The following RBFOX3 variants were observed in gnomAD, a reference collection of about 807,000 sequenced individuals.
RBFOX3 encodes the protein RNA binding fox-1 homolog 3.
In RBFOX3, 17 loss-of-function variants were observed where a neutral mutation model predicts 48.7. The observed-to-expected ratio is 0.35, with a 90% CI of 0.24 to 0.52. The LOEUF is 0.52. Among genes scored for constraint, RBFOX3 ranks in the 20% least tolerant of loss-of-function variants. The probability of loss-of-function intolerance (pLI) is 0.94; values close to 1 mark genes in which losing one functional copy is unlikely to be tolerated. For missense variants in RBFOX3, 382 were observed against 497.5 expected (o/e 0.77, Z 2.21); for synonymous variants, 212 against 209.5 (o/e 1.01, Z -0.10).
intron 4 of RBFOX3, among the ~76,000 whole-genome samples, chr17:79,190,484 G>C (rs1376860765): frequency 6.6e-6 from 1 of 151,162 alleles, no homozygotes; most frequent in East Asian, 1.9e-4. Context: ...AAGAGTGATG[G>C]GGCTGGAAGG....
At chr17:79,502,919 C>T (rs1304945206) in intron 1 of RBFOX3, among the ~76,000 whole-genome samples, 3 of 152,232 alleles carry the variant, frequency 2.0e-5, no homozygotes, top group Non-Finnish European at 4.4e-5. Context: ...TTTCAAAGTC[C>T]TGTCCCGATC....
At chr17:79,386,860 C>T (rs1015679521) in intron 2 of RBFOX3, among the ~76,000 whole-genome samples, 18 of 152,324 alleles carry the variant, frequency 1.2e-4, no homozygotes, top group Middle Eastern at 3.4e-3. Context: ...CAGCCATGTC[C>T]GTGTGTGATG....
intron 4 of RBFOX3, among the ~76,000 whole-genome samples, chr17:79,221,286 C>A (rs543464580): frequency 6.6e-6 from 1 of 152,364 alleles, no homozygotes; most frequent in Admixed American, 6.5e-5. Flanking sequence ...CGGGCGGTTG[C>A]CTGCTCTTTG....
intron 4 of RBFOX3, among the ~76,000 whole-genome samples, chr17:79,211,704 C>T (rs1029669029): frequency 6.6e-6 from 1 of 152,158 alleles, no homozygotes; most frequent in South Asian, 2.1e-4. Context: ...GGCTGTACCC[C>T]GGTCCATCTC....
the RBFOX3 span, among the ~76,000 whole-genome samples, chr17:79,664,728 T>C: frequency 6.6e-6 from 1 of 152,146 alleles, no homozygotes; most frequent in Non-Finnish European, 1.5e-5. Context: ...CATAGAACTC[T>C]TCCATCTTCC....
At chr17:79,536,919 A>G (rs554249292) in intron 1 of RBFOX3, among the ~76,000 whole-genome samples, 13 of 152,244 alleles carry the variant, frequency 8.5e-5, no homozygotes, top group African/African-American at 2.9e-4. Context: ...CCCCGTCTCT[A>G]CTAAAAATAC....
At chr17:79,448,385 T>C (rs576411042) in intron 2 of RBFOX3, among the ~76,000 whole-genome samples, 1 of 152,232 alleles carries the variant, frequency 6.6e-6, no homozygotes, top group South Asian at 2.1e-4. Context: ...AAGGTAAGGA[T>C]CTCAAGATGA....
At chr17:79,636,313 A>G in the RBFOX3 span, among the ~76,000 whole-genome samples, 1 of 152,220 alleles carries the variant, frequency 6.6e-6, no homozygotes, top group Admixed American at 6.5e-5. Context: ...GAATATACCT[A>G]TATATATAAT....
chr17:79,517,088 G>A (rs1459839050), intron 1 of RBFOX3, among the ~76,000 whole-genome samples: 1 of 152,090 alleles, frequency 6.6e-6, no homozygotes, highest in African/African-American at 2.4e-5. Flanking sequence ...AATGCCACTG[G>A]CTGAACTGTG....
intron 1 of RBFOX3, among the ~76,000 whole-genome samples, chr17:79,501,510 C>T (rs1330168901): frequency 6.6e-6 from 1 of 152,202 alleles, no homozygotes; most frequent in South Asian, 2.1e-4. Flanking sequence ...CCCTCTGCCT[C>T]CTCCTTGTCA....
chr17:79,470,050 G>A (rs1406081016), intron 2 of RBFOX3, among the ~76,000 whole-genome samples: 1 of 152,284 alleles, frequency 6.6e-6, no homozygotes, highest in Non-Finnish European at 1.5e-5. Flanking sequence ...GGGGCCTCCT[G>A]CAGACCACAG....
chr17:79,178,016 C>T (rs572190333), intron 4 of RBFOX3, among the ~76,000 whole-genome samples: 2 of 152,296 alleles, frequency 1.3e-5, no homozygotes, highest in East Asian at 3.9e-4. Flanking sequence ...CATGCCCCGC[C>T]GAGTCTCAAC....
chr17:79,632,523 C>A, the RBFOX3 span, among the ~76,000 whole-genome samples: 1 of 152,134 alleles, frequency 6.6e-6, no homozygotes, highest in Non-Finnish European at 1.5e-5. Flanking sequence ...CTATCTCTAA[C>A]CCAGGGTCAT....
At chr17:79,210,756 G>C (rs767508940) in intron 4 of RBFOX3, among the ~76,000 whole-genome samples, 50 of 152,356 alleles carry the variant, frequency 3.3e-4, no homozygotes, top group Non-Finnish European at 3.5e-4. Context: ...GCCTGGTGGG[G>C]ATGTGCAGCA....
chr17:79,588,995 G>A (rs966510467), intron 1 of RBFOX3, among the ~76,000 whole-genome samples: 24 of 151,792 alleles, frequency 1.6e-4, no homozygotes, highest in Non-Finnish European at 2.5e-4. Flanking sequence ...ACCCCATCCT[G>A]AGCTTGGACC....
the RBFOX3 span, among the ~76,000 whole-genome samples, chr17:79,647,309 GGT>G: frequency 6.6e-6 from 1 of 152,150 alleles, no homozygotes; most frequent in East Asian, 1.9e-4. Context: ...CCTGAAAATG[GGT>G]GAGTTCCTCT....
intron 2 of RBFOX3, among the ~76,000 whole-genome samples, chr17:79,478,699 C>T (rs1413915502): frequency 6.6e-6 from 1 of 152,228 alleles, no homozygotes; most frequent in African/African-American, 2.4e-5. Context: ...GAGCAGATGA[C>T]CCTCCTCTGG....
At chr17:79,187,001 C>T (rs945937878) in intron 4 of RBFOX3, among the ~76,000 whole-genome samples, 2 of 152,246 alleles carry the variant, frequency 1.3e-5, no homozygotes, top group African/African-American at 4.8e-5. Flanking sequence ...GTAACCTTGC[C>T]AGATGCCCTG....
Position 79,222,151 on chromosome 17 carries a change from T to A in RBFOX3, c.-34+13615A>T, listed in dbSNP as rs116492195. ...TACCCGCAGCCTGATTTCTACCTGC[T>A]GCCTGATTTCTACCTGCAGCCTGAT... On this transcript the variant is annotated intron_variant, in intron 4 of 14. Transcript: ENST00000693108. Among the ~76,000 whole-genome samples, 194 of 113,046 alleles carry A rather than the reference T, an allele frequency of 1.7e-3. 1 individual carries two copies. Among genetic ancestry groups the A allele is most frequent in the African/African-American group, 0.011 (180 of 16,058 alleles). 74.2% of individuals were successfully genotyped at this position (113,046 alleles called of 152,430 possible).
Sources: allele counts gnomAD v4.1 joint callset (sites outside exome capture counted in the v4.1 genomes callset), GRCh38; gene constraint gnomAD v4.1.1; transcripts MANE v1.5; gene names NCBI Gene and HGNC (gene_info 2026-07-23, HGNC 2026-07-21).